Variants in KCND2 observed in about 807,000 individuals in gnomAD.
The protein encoded by KCND2 is potassium voltage-gated channel subfamily D member 2.
Under a neutral mutation model 54.4 loss-of-function variants are expected in KCND2, and 16 were observed. The ratio of observed to expected loss-of-function variants is 0.29; its 90% confidence interval spans 0.20 to 0.45. The LOEUF (loss-of-function observed/expected upper bound fraction) is 0.45, where lower values mean the gene tolerates loss of function less well. KCND2 is among the 20% of genes least tolerant of loss of function. KCND2 has a pLI of 1.00. For synonymous variants in KCND2, 317 were observed against 310.7 expected (o/e 1.02, Z -0.21); for missense variants, 486 against 824.2 (o/e 0.59, Z 5.02).
At chr7:120,477,492 CA>C (rs918790389) in intron 1 of KCND2, among the ~76,000 whole-genome samples, 1 of 152,070 alleles carries the variant, frequency 6.6e-6, no homozygotes, top group Admixed American at 6.6e-5. Flanking sequence ...GAATAATTTA[CA>C]AAATCTATTG....
intron 1 of KCND2, among the ~76,000 whole-genome samples, chr7:120,456,445 T>C (rs193266948): frequency 1.3e-5 from 2 of 152,328 alleles, no homozygotes; most frequent in Non-Finnish European, 2.9e-5. Context: ...TGTACTTATC[T>C]TTGAGTTTTA....
intron 1 of KCND2, among the ~76,000 whole-genome samples, chr7:120,357,496 C>G (rs931415409): frequency 6.6e-6 from 1 of 152,006 alleles, no homozygotes; most frequent in Non-Finnish European, 1.5e-5. Context: ...TACCTACATG[C>G]AATAATCTTA....
At chr7:120,397,985 GTGTGTGTGTGTATATA>G (rs1202910710) in intron 1 of KCND2, among the ~76,000 whole-genome samples, 26 of 36,910 alleles carry the variant, frequency 7.0e-4, no homozygotes, top group Non-Finnish European at 1.9e-3. Context: ...GTGTGTGTGT[GTGTGTGTGTGTATATA>G]TATATATATA....
At chr7:120,348,966 A>G (rs930262349) in intron 1 of KCND2, among the ~76,000 whole-genome samples, 3 of 152,154 alleles carry the variant, frequency 2.0e-5, no homozygotes, top group Admixed American at 6.5e-5. Context: ...ATAATAATAT[A>G]CCAAATAATA....
chr7:120,564,687 A>G (rs554477117), intron 1 of KCND2, among the ~76,000 whole-genome samples: 3 of 152,164 alleles, frequency 2.0e-5, no homozygotes, highest in Non-Finnish European at 4.4e-5. Flanking sequence ...GTGTTTAATA[A>G]TTCTTATGAA....
chr7:120,359,670 CA>C (rs1365658152), intron 1 of KCND2, among the ~76,000 whole-genome samples: 3 of 152,102 alleles, frequency 2.0e-5, no homozygotes, highest in African/African-American at 7.2e-5. Context: ...GTTTCTGCAT[CA>C]AAAAGCTTTT....
At chr7:120,678,974 C>G (rs567648706) in intron 1 of KCND2, among the ~76,000 whole-genome samples, 38 of 151,570 alleles carry the variant, frequency 2.5e-4, no homozygotes, top group African/African-American at 8.2e-4. Context: ...AAACATTAAA[C>G]TCTTCGAAGA....
intron 1 of KCND2, among the ~76,000 whole-genome samples, chr7:120,664,868 C>T (rs1174865009): frequency 6.6e-6 from 1 of 152,048 alleles, no homozygotes; most frequent in Non-Finnish European, 1.5e-5. Context: ...CTATAATGCT[C>T]AAACCACATA....
chr7:120,435,675 A>G (rs1220204343), intron 1 of KCND2, among the ~76,000 whole-genome samples: 1 of 152,168 alleles, frequency 6.6e-6, no homozygotes, highest in Non-Finnish European at 1.5e-5. Context: ...AAAAAAATCA[A>G]AAGAGATCTG....
chr7:120,729,385 G>A (rs921078130), intron 1 of KCND2, among the ~76,000 whole-genome samples: 1 of 152,110 alleles, frequency 6.6e-6, no homozygotes, highest in African/African-American at 2.4e-5. Flanking sequence ...AACTGATAAA[G>A]GGAGCAGGGA....
chr7:120,563,827 T>C (rs1481774255), intron 1 of KCND2, among the ~76,000 whole-genome samples: 2 of 152,150 alleles, frequency 1.3e-5, no homozygotes, highest in Non-Finnish European at 1.5e-5. Context: ...CCCAGATAGA[T>C]ATCTTCTATA....
At chr7:120,572,622 AT>A (rs1331175048) in intron 1 of KCND2, among the ~76,000 whole-genome samples, 3 of 152,068 alleles carry the variant, frequency 2.0e-5, no homozygotes, top group Non-Finnish European at 4.4e-5. Flanking sequence ...AGTTCAAGTG[AT>A]TCTCCCACCT....
intron 1 of KCND2, among the ~76,000 whole-genome samples, chr7:120,335,578 C>CT (rs1484356462): frequency 6.6e-6 from 1 of 151,480 alleles, no homozygotes; most frequent in Non-Finnish European, 1.5e-5. Flanking sequence ...GCGCCACCTC[C>CT]GGGTTCACGC....
At chr7:120,303,256 G>A (rs928394041) in intron 1 of KCND2, among the ~76,000 whole-genome samples, 1 of 152,140 alleles carries the variant, frequency 6.6e-6, no homozygotes, top group Non-Finnish European at 1.5e-5. Context: ...TAGATTATGA[G>A]TTTTGTTTCT....
intron 1 of KCND2, among the ~76,000 whole-genome samples, chr7:120,385,669 T>C (rs1800977386): frequency 6.6e-6 from 1 of 152,134 alleles, no homozygotes; most frequent in Non-Finnish European, 1.5e-5. Context: ...GGACATGATG[T>C]TTTCATTTGC....
At position 120,677,550 on chromosome 7, in the gene KCND2, T is replaced by TATAGATATAG. The variant is rs138542026; in HGVS notation, c.1116-55350_1116-55349insGATATAGATA. ...ATATAGATATAGATATAGATATAGA[T>TATAGATATAG]ATATAGATATATAGATATATAGATA... On this transcript the variant is annotated intron_variant, in intron 1 of 5. Transcript: ENST00000331113. 7.6e-4 allele frequency among the ~76,000 whole-genome samples: 98 copies of TATAGATATAG among 129,532 alleles called. 1 individual carries two copies. Among genetic ancestry groups the TATAGATATAG allele is most frequent in the African/African-American group, 2.7e-3 (91 of 33,720 alleles). 85.0% of individuals were successfully genotyped at this position (129,532 alleles called of 152,430 possible). A position where few individuals can be genotyped will look rare whatever the true frequency, so the allele number is the denominator to read the frequency against.
intron 1 of KCND2, among the ~76,000 whole-genome samples, chr7:120,692,226 A>C (rs1343014777): frequency 6.6e-6 from 1 of 152,162 alleles, no homozygotes; most frequent in Non-Finnish European, 1.5e-5. Flanking sequence ...GTGAGAAGAG[A>C]TGTAACATGT....
intron 1 of KCND2, among the ~76,000 whole-genome samples, chr7:120,341,476 C>T (rs948653063): frequency 7.2e-5 from 11 of 152,112 alleles, no homozygotes; most frequent in African/African-American, 2.2e-4. Context: ...GAAAAATATG[C>T]GGGATCAATT....
rs1048660554 is a variant in KCND2, at chr7:120,749,981, G to C, written c.*2123G>C. On this transcript the variant is annotated 3_prime_UTR_variant, in exon 6 of 6. Coordinates refer to ENST00000331113, the MANE Select transcript of KCND2 (RefSeq NM_012281.3). ...ATTACATACAAGAAAATGCAGTTAG[G>C]TTATTTCAATTGACAATTCTGCCTC... The C allele has an allele frequency of 6.6e-6, 1 of 151,786 alleles. No individual in the cohort carries two copies. The allele number at this position is 151,786 out of a possible 1,614,324, so 9.4% of individuals were successfully genotyped here. A position where few individuals can be genotyped will look rare whatever the true frequency, so the allele number is the denominator to read the frequency against.
Sources: allele counts gnomAD v4.1 joint callset (sites outside exome capture counted in the v4.1 genomes callset), GRCh38; gene constraint gnomAD v4.1.1; transcripts MANE v1.5; gene names NCBI Gene and HGNC (gene_info 2026-07-23, HGNC 2026-07-21).